VWA8: variants seen among roughly 807,000 people sequenced by gnomAD.
The protein encoded by VWA8 is von Willebrand factor A domain-containing protein 8.
Under a neutral mutation model 241.5 loss-of-function variants are expected in VWA8, and 221 were observed. The observed-to-expected ratio is 0.91, with a 90% CI of 0.82 to 1.02. The LOEUF (loss-of-function observed/expected upper bound fraction) is 1.02. Ranked by LOEUF, VWA8 falls within the 50% of genes least tolerant of loss-of-function variation. The probability of loss-of-function intolerance (pLI) is 0.00; values close to 1 mark genes in which losing one functional copy is unlikely to be tolerated. For missense variants in VWA8, 2,322 were observed against 2,328.7 expected (o/e 1.00, Z 0.06); for synonymous variants, 852 against 827.1 (o/e 1.03, Z -0.52).
intron 12 of VWA8, 45 bp from the exon 13 acceptor site, chr13:41,833,576 T>G (rs1871578848): frequency 6.5e-7 from 1 of 1,532,246 alleles, no homozygotes; most frequent in African/African-American, 1.4e-5. Flanking sequence ...GACGAATTAA[T>G]TTTTAAGACA....
chr13:41,706,246 TTA>T (rs1476206643), intron 26 of VWA8, among the ~76,000 whole-genome samples: 2 of 152,216 alleles, frequency 1.3e-5, no homozygotes, highest in African/African-American at 4.8e-5. Flanking sequence ...GTCATGGAAA[TTA>T]TATGTTGTCT....
chr13:41,568,027 G>A lies in VWA8; in HGVS notation c.*170C>T. 1 of 599,194 alleles carries A rather than the reference G, an allele frequency of 1.7e-6. No homozygotes were observed. The highest frequency in any genetic ancestry group is 2.9e-6 in the Non-Finnish European group (1 of 342,522). The allele number at this position is 599,194 out of a possible 1,614,324, so 37.1% of individuals were successfully genotyped here. On this transcript the variant is annotated 3_prime_UTR_variant, in exon 45 of 45. Transcript: ENST00000379310. ...CTTTCCATGTTTAAGTCTCCTTCTG[G>A]CTGCTTCTCTGAATTCTCATTACGG...
At chr13:41,885,626 C>G (rs1370882977) in intron 8 of VWA8, among the ~76,000 whole-genome samples, 2 of 152,212 alleles carry the variant, frequency 1.3e-5, no homozygotes, top group Non-Finnish European at 2.9e-5. Flanking sequence ...TGAGGCCTAA[C>G]TCACACTGCA....
intron 40 of VWA8, among the ~76,000 whole-genome samples, chr13:41,598,554 G>A (rs1009911798): frequency 6.6e-6 from 1 of 151,890 alleles, no homozygotes; most frequent in African/African-American, 2.4e-5. Context: ...TAATTGACTA[G>A]AGTATTTATA....
chr13:41,603,981 A>G (rs564598142), intron 40 of VWA8, among the ~76,000 whole-genome samples: 41 of 152,266 alleles, frequency 2.7e-4, no homozygotes, highest in Non-Finnish European at 1.9e-4. Flanking sequence ...CAGAAGATGT[A>G]TCTTAGTTTT....
intron 42 of VWA8, among the ~76,000 whole-genome samples, chr13:41,577,397 TAG>T (rs887522390): frequency 3.3e-5 from 5 of 152,168 alleles, no homozygotes; most frequent in African/African-American, 7.2e-5. Flanking sequence ...TTGCTATCAA[TAG>T]AGTGAAAAGG....
intron 9 of VWA8, among the ~76,000 whole-genome samples, chr13:41,881,979 CG>C (rs1159983947): frequency 6.6e-6 from 1 of 151,216 alleles, no homozygotes; most frequent in Non-Finnish European, 1.5e-5. Context: ...GGGTGACTGC[CG>C]GGACGGAGGG....
At chr13:41,925,494 A>C (rs992331390) in intron 2 of VWA8, 4 of 152,638 alleles carry the variant, frequency 2.6e-5, no homozygotes, top group African/African-American at 9.6e-5. Context: ...AAATCTGAGG[A>C]GTGCGTAAAA....
chr13:41,772,132 C>A (rs1351217590), intron 20 of VWA8, among the ~76,000 whole-genome samples: 1 of 152,050 alleles, frequency 6.6e-6, no homozygotes, highest in African/African-American at 2.4e-5. Flanking sequence ...TCAGGTGATC[C>A]GCCCGCCTCG....
rs1159810332 is a variant in VWA8, at chr13:41,883,484, A to G, written c.983T>C (p.Phe328Ser). ...LAAAVQILDS[F>S]PMMPIKHAIQ... Reference sequence around the variant, plus strand: ...TGCATGTTTGATTGGCATCATAGGAAAGGAATCCTATGTAGGAGCAAAAAT... The same window carrying G: ...TGCATGTTTGATTGGCATCATAGGAGAGGAATCCTATGTAGGAGCAAAAAT... Residue 328 changes from phenylalanine (F) to serine (S), a missense_variant, in exon 9 of 45, where the codon TTT (phenylalanine) becomes TCT (serine). By Grantham distance (155) the Phe-to-Ser change is radical. Transcript: ENST00000379310. The G allele has an allele frequency of 1.9e-6, 3 of 1,611,644 alleles. No individual in the cohort carries two copies. Among genetic ancestry groups the G allele is most frequent in the Non-Finnish European group, 8.5e-7 (1 of 1,178,254 alleles).
intron 37 of VWA8, among the ~76,000 whole-genome samples, chr13:41,633,013 A>G (rs182586258): frequency 2.5e-4 from 38 of 152,298 alleles, no homozygotes; most frequent in African/African-American, 8.7e-4. Flanking sequence ...TTTGAGGCTT[A>G]CTGTGTGAGG....
At chr13:41,816,263 A>G (rs1035176269) in intron 16 of VWA8, among the ~76,000 whole-genome samples, 3 of 152,204 alleles carry the variant, frequency 2.0e-5, no homozygotes, top group African/African-American at 4.8e-5. Flanking sequence ...ACTGAGACTT[A>G]CAGAGTTAAA....
chr13:41,787,332 CA>C, intron 18 of VWA8, 104 bp downstream of exon 18: 2 of 932,258 alleles, frequency 2.1e-6, no homozygotes, highest in East Asian at 2.7e-5. Flanking sequence ...AGATGAAAAC[CA>C]AAAACTGTTT....
chr13:41,615,865 A>C (rs965817322), intron 37 of VWA8, among the ~76,000 whole-genome samples: 1 of 152,208 alleles, frequency 6.6e-6, no homozygotes, highest in African/African-American at 2.4e-5. Context: ...AGTAGATACT[A>C]CTCCACAATA....
chr13:41,777,129 T>C (rs1868632731), intron 20 of VWA8, among the ~76,000 whole-genome samples: 3 of 152,298 alleles, frequency 2.0e-5, no homozygotes, highest in African/African-American at 7.2e-5. Context: ...ACATTGAGTG[T>C]CTACTATGTA....
intron 21 of VWA8, among the ~76,000 whole-genome samples, chr13:41,753,048 A>C (rs1397111216): frequency 6.6e-6 from 1 of 152,156 alleles, no homozygotes; most frequent in Non-Finnish European, 1.5e-5. Context: ...GGGAGAAAGG[A>C]GCTACATTTT....
intron 17 of VWA8, among the ~76,000 whole-genome samples, chr13:41,806,665 T>C (rs953170253): frequency 2.0e-5 from 3 of 152,054 alleles, no homozygotes; most frequent in Admixed American, 6.6e-5. Flanking sequence ...ATCATGCCAC[T>C]GCACTCCAGC....
intron 28 of VWA8, 77 bp downstream of exon 28, chr13:41,701,315 T>G: frequency 1.4e-6 from 2 of 1,452,318 alleles, no homozygotes; most frequent in African/African-American, 2.9e-5. Flanking sequence ...AACTTTTTGA[T>G]GTCTAGAGAT....
intron 14 of VWA8, among the ~76,000 whole-genome samples, chr13:41,821,803 T>C (rs188826461): frequency 7.9e-4 from 120 of 152,282 alleles, no homozygotes; most frequent in Non-Finnish European, 8.2e-4. Context: ...TTTTATAAAG[T>C]ACTTTCTGAT....
Sources: allele counts gnomAD v4.1 joint callset (sites outside exome capture counted in the v4.1 genomes callset), GRCh38; gene constraint gnomAD v4.1.1; transcripts MANE v1.5; gene names NCBI Gene and HGNC (gene_info 2026-07-23, HGNC 2026-07-21).